The following FCRL1 variants were observed in gnomAD, a reference collection of about 807,000 sequenced individuals.
FCRL1 encodes Fc receptor like 1, also known as Fc receptor-like protein 1.
In FCRL1, 34 loss-of-function variants were observed where a neutral mutation model predicts 49.2. The observed-to-expected ratio is 0.69, with a 90% CI of 0.53 to 0.92. FCRL1 has a LOEUF of 0.92. Ranked by LOEUF, FCRL1 falls within the 40% of genes least tolerant of loss-of-function variation. The probability of loss-of-function intolerance (pLI) is 0.00; values close to 1 mark genes in which losing one functional copy is unlikely to be tolerated. For synonymous variants in FCRL1, 218 were observed against 201.6 expected (o/e 1.08, Z -0.69); for missense variants, 524 against 524.1 (o/e 1.00, Z 0.00).
At chr1:157,809,691 C>T (rs186451534) in intron 1 of FCRL1, among the ~76,000 whole-genome samples, 99 of 152,232 alleles carry the variant, frequency 6.5e-4, no homozygotes, top group African/African-American at 2.3e-3. Flanking sequence ...AACTCCTGAC[C>T]TCAGGTGATC....
At chr1:157,811,788 G>A (rs1654352484) in intron 1 of FCRL1, among the ~76,000 whole-genome samples, 1 of 152,140 alleles carries the variant, frequency 6.6e-6, no homozygotes, top group Admixed American at 6.5e-5. Context: ...CCATTTGCTA[G>A]CCAAGCTTCC....
At chr1:157,806,020 C>A (rs1241264774) in intron 2 of FCRL1, among the ~76,000 whole-genome samples, 1 of 152,184 alleles carries the variant, frequency 6.6e-6, no homozygotes, top group Non-Finnish European at 1.5e-5. Context: ...TCTTACAGCT[C>A]AGAGCTTGTT....
intron 1 of FCRL1, among the ~76,000 whole-genome samples, chr1:157,814,702 A>T (rs954896072): frequency 1.3e-5 from 2 of 152,044 alleles, no homozygotes; most frequent in African/African-American, 4.8e-5. Flanking sequence ...AACAGGACCC[A>T]ACTATATTCT....
rs1173337712 is a variant in FCRL1 at position 157,802,212 on chromosome 1, T to C, written c.608-19A>G. 1.9e-6 allele frequency: 3 copies of C among 1,605,582 alleles called. No homozygotes were observed. Among genetic ancestry groups the C allele is most frequent in the Non-Finnish European group, 2.6e-6 (3 of 1,175,796 alleles). On this transcript the variant is annotated intron_variant, in intron 4 of 10. Coordinates refer to ENST00000368176, the MANE Select transcript of FCRL1 (RefSeq NM_052938.5). The stretch of plus-strand genomic sequence containing the variant: ...ACCGGGACTGAGGGAGACAGTAGAC[T>C]GTAAGAGACAGTCTCTGACAATGCA...
intron 1 of FCRL1, among the ~76,000 whole-genome samples, chr1:157,816,122 C>A (rs1048416437): frequency 6.6e-6 from 1 of 151,820 alleles, no homozygotes; most frequent in Non-Finnish European, 1.5e-5. Flanking sequence ...TACTTTGATG[C>A]CAAAACCAGA....
At chr1:157,809,626 AT>A (rs199719623) in intron 1 of FCRL1, among the ~76,000 whole-genome samples, 190 of 149,176 alleles carry the variant, frequency 1.3e-3, no homozygotes, top group African/African-American at 4.1e-3. Flanking sequence ...CTAATTTTGT[AT>A]TTTTTTTTTC....
intron 9 of FCRL1, among the ~76,000 whole-genome samples, 154 bp from the exon 10 acceptor site, chr1:157,797,286 T>G (rs369127935): frequency 2.6e-5 from 4 of 152,220 alleles, no homozygotes; most frequent in African/African-American, 9.7e-5. Flanking sequence ...ATCACAAATG[T>G]GATTCCCTTA....
In FCRL1 at chr1:157,804,107, C is replaced by T; in HGVS notation, c.57G>A (p.Leu19=). 6.2e-7 allele frequency: 1 copy of T among 1,614,084 alleles called. No individual in the cohort carries two copies. The highest frequency in any genetic ancestry group is 1.7e-4 in the Middle Eastern group (1 of 6,060). Residue 19 remains leucine (L), a synonymous_variant, in exon 3 of 11, where the codon CTG becomes CTA. Transcript: ENST00000368176. ...ICAPLCEPAE[L]FLIASPSHPT... Reference sequence around the variant, plus strand: ...GATGGGAGGGGCTGGCTATCAAAAACAGCTCTAGAGAGAGGAATTAAACAC... The same window carrying T: ...GATGGGAGGGGCTGGCTATCAAAAATAGCTCTAGAGAGAGGAATTAAACAC...
intron 3 of FCRL1, 81 bp downstream of exon 3, chr1:157,803,764 A>G (rs2101849169): frequency 6.6e-7 from 1 of 1,515,566 alleles, no homozygotes; most frequent in South Asian, 1.3e-5. Flanking sequence ...TTGCAGAGAT[A>G]GAACCCATAA....
chr1:157,797,672 A>T (rs1651740925), intron 9 of FCRL1, 196 bp downstream of exon 9: 2 of 1,413,622 alleles, frequency 1.4e-6, no homozygotes, highest in Non-Finnish European at 1.9e-6. Context: ...CCCAGGGGAA[A>T]GAAAGAACCT....
intron 5 of FCRL1, 49 bp downstream of exon 5, chr1:157,801,866 C>A (rs374261225): frequency 6.4e-7 from 1 of 1,559,934 alleles, no homozygotes; most frequent in Non-Finnish European, 8.7e-7. Context: ...TCTCCCAGGA[C>A]GCTGGGAAGG....
In FCRL1 at chr1:157,807,065, C is replaced by G. The variant is rs764940482; in HGVS notation, c.52+37G>C. The G allele has an allele frequency of 1.1e-5, 18 of 1,612,802 alleles. No homozygotes were observed. The East Asian group carries it at 2.2e-4, about 20-fold the overall frequency. On this transcript the variant is annotated intron_variant, in intron 2 of 10. Transcript: ENST00000368176. ...TGTGCTGACCTAAGTAACAAAATAC[C>G]CACAGACCTTGAAGAAGAAAAGGAA...
In FCRL1 at chr1:157,797,852, C is replaced by G; in HGVS notation, c.1186+16G>C. ...AAGACAAAAGTCAGAGACAAATTTACTCCCCCATGTCTCACCTGCTACTGA... is the reference window on the plus strand; with the variant it reads ...AAGACAAAAGTCAGAGACAAATTTAGTCCCCCATGTCTCACCTGCTACTGA... On this transcript the variant is annotated intron_variant, in intron 9 of 10. Coordinates refer to ENST00000368176, the MANE Select transcript of FCRL1 (RefSeq NM_052938.5). The G allele has an allele frequency of 6.2e-7, 1 of 1,614,124 alleles. No homozygotes were observed. The highest frequency in any genetic ancestry group is 8.5e-7 in the Non-Finnish European group (1 of 1,180,004).
chr1:157,802,251 C>T, intron 4 of FCRL1, 58 bp from the exon 5 acceptor site: 1 of 1,580,834 alleles, frequency 6.3e-7, no homozygotes, highest in Non-Finnish European at 8.6e-7. Flanking sequence ...AACTCATAAT[C>T]CCTGCCCACC....
chr1:157,818,054 G>A (rs1655294357), intron 1 of FCRL1, among the ~76,000 whole-genome samples: 1 of 152,140 alleles, frequency 6.6e-6, no homozygotes, highest in Non-Finnish European at 1.5e-5. Context: ...CATGCTGTAG[G>A]TGGGACTGTA....
At chr1:157,798,285 C>A in intron 7 of FCRL1, 42 bp from the exon 8 acceptor site, 1 of 1,485,882 alleles carries the variant, frequency 6.7e-7, no homozygotes, top group South Asian at 1.2e-5. Context: ...GAAATTGCAT[C>A]CCAGATCATG....
chr1:157,807,164 C>G, intron 1 of FCRL1, 42 bp from the exon 2 acceptor site: 1 of 1,601,126 alleles, frequency 6.2e-7, no homozygotes, highest in Non-Finnish European at 8.5e-7. Context: ...AGCAGCAAAT[C>G]CCACAAATCT....
intron 1 of FCRL1, among the ~76,000 whole-genome samples, chr1:157,816,669 C>A (rs1432094734): frequency 1.3e-5 from 2 of 151,594 alleles, no homozygotes; most frequent in Non-Finnish European, 3.0e-5. Context: ...TGGCAGATGA[C>A]AAAATCTTAT....
intron 3 of FCRL1, 118 bp downstream of exon 3, chr1:157,803,727 G>A: frequency 1.5e-6 from 2 of 1,300,234 alleles, no homozygotes; most frequent in East Asian, 2.3e-5. Flanking sequence ...GAGAAACTCA[G>A]GAATATCTTT....
Sources: gnomAD v4.1 joint callset for allele counts (sites outside exome capture counted in the v4.1 genomes callset) on GRCh38, gnomAD v4.1.1 for gene constraint, MANE v1.5 for transcripts, NCBI Gene and HGNC (gene_info 2026-07-23, HGNC 2026-07-21) for gene names.